ADGRL3: variants seen among roughly 807,000 people sequenced by gnomAD.
ADGRL3 encodes the protein calcium-independent alpha-latrotoxin receptor 3.
ADGRL3 carries 62 observed loss-of-function variants against 153.5 expected under a neutral mutation model. The observed-to-expected ratio is 0.40, with a 90% CI of 0.33 to 0.50. The LOEUF is 0.50. ADGRL3 is among the 20% of genes least tolerant of loss of function. ADGRL3 has a pLI of 0.47. For missense variants in ADGRL3, 1,641 were observed against 1,859.4 expected, an observed-to-expected ratio of 0.88 and a Z score of 2.16; for synonymous variants, 710 against 672.5, an observed-to-expected ratio of 1.06 and a Z score of -0.86.
intron 2 of ADGRL3, among the ~76,000 whole-genome samples, chr4:61,470,839 T>A (rs2097942093): frequency 6.6e-6 from 1 of 151,950 alleles, no homozygotes; most frequent in Non-Finnish European, 1.5e-5. Context: ...TTTTTTCATT[T>A]ACCACCCGAA....
At chr4:61,803,111 T>C (rs1358180597) in intron 8 of ADGRL3, among the ~76,000 whole-genome samples, 1 of 152,114 alleles carries the variant, frequency 6.6e-6, no homozygotes, top group African/African-American at 2.4e-5. Flanking sequence ...CCAGTGATAG[T>C]ACATAGCCCA....
Position 61,748,900 on chromosome 4 carries a change from A to C in ADGRL3, c.1399+15346A>C, listed in dbSNP as rs560854023. ...TAAAGAGCTTCTGCACAGCAAAAGA[A>C]ACTACCATCAGAGTGAACAGGCAAC... On this transcript the variant is annotated intron_variant, in intron 8 of 26. Coordinates refer to ENST00000683033, the MANE Select transcript of ADGRL3 (RefSeq NM_001387552.1). Among the ~76,000 whole-genome samples the C allele has an allele frequency of 4.6e-3, 696 of 151,564 alleles. 4 individuals are homozygous for C. Among genetic ancestry groups the C allele is most frequent in the Non-Finnish European group, 7.9e-3 (535 of 67,908 alleles).
At chr4:61,766,244 G>A (rs1225922684) in intron 8 of ADGRL3, among the ~76,000 whole-genome samples, 2 of 152,212 alleles carry the variant, frequency 1.3e-5, no homozygotes, top group East Asian at 3.9e-4. Flanking sequence ...ATAGCTGAAG[G>A]AGCCGGGAAG....
chr4:61,995,822 A>T (rs2099119765), intron 19 of ADGRL3, among the ~76,000 whole-genome samples: 1 of 152,072 alleles, frequency 6.6e-6, no homozygotes, highest in East Asian at 1.9e-4. Context: ...ACCTAATTAA[A>T]CTTCAATCTT....
chr4:61,479,860 AAAACAATTTT>A (rs2152728938), intron 2 of ADGRL3, among the ~76,000 whole-genome samples: 1 of 152,290 alleles, frequency 6.6e-6, no homozygotes, highest in Non-Finnish European at 1.5e-5. Context: ...TTTAATTTTT[AAAACAATTTT>A]AAGCTTCTTT....
chr4:61,743,142 A>G (rs1405793216), intron 8 of ADGRL3, among the ~76,000 whole-genome samples: 1 of 151,874 alleles, frequency 6.6e-6, no homozygotes, highest in Non-Finnish European at 1.5e-5. Context: ...AACATGGCGA[A>G]ACCCCGTCTC....
intron 6 of ADGRL3, among the ~76,000 whole-genome samples, chr4:61,681,396 T>C (rs2095331994): frequency 6.6e-6 from 1 of 152,148 alleles, no homozygotes; most frequent in Non-Finnish European, 1.5e-5. Context: ...GTTTCTTTTT[T>C]TTCAGAACAA....
At chr4:61,465,770 T>TATAG (rs1477329329) in intron 2 of ADGRL3, among the ~76,000 whole-genome samples, 16 of 145,956 alleles carry the variant, frequency 1.1e-4, no homozygotes, top group African/African-American at 3.2e-4. Context: ...TATATATATA[T>TATAG]ATATATATCT....
intron 2 of ADGRL3, among the ~76,000 whole-genome samples, chr4:61,426,084 A>C (rs558104555): frequency 1.6e-4 from 24 of 152,338 alleles, no homozygotes; most frequent in African/African-American, 5.5e-4. Flanking sequence ...ATCAGGTCCA[A>C]CCTTGAACTA....
At chr4:62,029,857 T>C (rs1720993698) in intron 22 of ADGRL3, among the ~76,000 whole-genome samples, 1 of 151,624 alleles carries the variant, frequency 6.6e-6, no homozygotes, top group Admixed American at 6.6e-5. Flanking sequence ...TGCCTTGATT[T>C]AATGGCAATT....
chr4:61,488,378 A>C (rs2098220590), intron 2 of ADGRL3, among the ~76,000 whole-genome samples: 1 of 151,990 alleles, frequency 6.6e-6, no homozygotes, highest in Non-Finnish European at 1.5e-5. Context: ...TGATGTGTTG[A>C]GATTTAGCAT....
At chr4:61,210,223 A>G (rs1477947828) in intron 1 of ADGRL3, among the ~76,000 whole-genome samples, 2 of 152,208 alleles carry the variant, frequency 1.3e-5, no homozygotes, top group African/African-American at 4.8e-5. Context: ...GGACTGGACA[A>G]CTGGCTTGCT....
chr4:61,972,614 T>A (rs1238012676), intron 17 of ADGRL3, among the ~76,000 whole-genome samples: 1 of 152,194 alleles, frequency 6.6e-6, no homozygotes, highest in African/African-American at 2.4e-5. Flanking sequence ...TTTGTTCTTT[T>A]GGCTTAGGAT....
At chr4:61,911,894 G>T (rs747046574) in intron 12 of ADGRL3, among the ~76,000 whole-genome samples, 55 of 152,092 alleles carry the variant, frequency 3.6e-4, no homozygotes, top group Non-Finnish European at 7.2e-4. Context: ...TAAAAATTTG[G>T]CTTATTTATT....
intron 4 of ADGRL3, among the ~76,000 whole-genome samples, chr4:61,546,761 T>G (rs2148725380): frequency 6.6e-6 from 1 of 152,220 alleles, no homozygotes; most frequent in South Asian, 2.1e-4. Flanking sequence ...GTTAAAAGGG[T>G]GTGTCTGTAG....
intron 1 of ADGRL3, among the ~76,000 whole-genome samples, chr4:61,363,486 C>T (rs1050210289): frequency 1.5e-4 from 23 of 152,202 alleles, no homozygotes; most frequent in Admixed American, 3.3e-4. Flanking sequence ...ACCTAATATA[C>T]GCATGATGCT....
intron 8 of ADGRL3, among the ~76,000 whole-genome samples, chr4:61,774,837 A>G (rs1204496436): frequency 6.6e-6 from 1 of 152,148 alleles, no homozygotes; most frequent in African/African-American, 2.4e-5. Context: ...TATGTGTACT[A>G]TTTGCTGCTA....
intron 4 of ADGRL3, among the ~76,000 whole-genome samples, chr4:61,527,801 C>T (rs916599910): frequency 5.3e-5 from 8 of 152,054 alleles, no homozygotes; most frequent in Non-Finnish European, 7.4e-5. Flanking sequence ...AGCAATATAG[C>T]GAGGAGACAA....
chr4:61,458,903 C>T (rs2097781308), intron 2 of ADGRL3, among the ~76,000 whole-genome samples: 1 of 151,296 alleles, frequency 6.6e-6, no homozygotes, highest in Non-Finnish European at 1.5e-5. Flanking sequence ...TAACTATTTA[C>T]CACATTTTTC....
Sources: allele counts gnomAD v4.1 joint callset (sites outside exome capture counted in the v4.1 genomes callset), GRCh38; gene constraint gnomAD v4.1.1; transcripts MANE v1.5; gene names NCBI Gene and HGNC (gene_info 2026-07-23, HGNC 2026-07-21).